Variants in AZGP1 observed in about 807,000 individuals in gnomAD.
AZGP1 encodes the protein alpha-2-glycoprotein 1, zinc-binding.
AZGP1 carries 28 observed loss-of-function variants against 31.5 expected under a neutral mutation model. The ratio of observed to expected loss-of-function variants is 0.89; its 90% confidence interval spans 0.66 to 1.22. The LOEUF (loss-of-function observed/expected upper bound fraction) is 1.22, where lower values mean the gene tolerates loss of function less well. Ranked by LOEUF, AZGP1 falls within the 50% of genes most tolerant of loss-of-function variation. The pLI is 0.00. For synonymous variants in AZGP1, 135 were observed against 145.4 expected (o/e 0.93, Z 0.51); for missense variants, 361 against 371.8 (o/e 0.97, Z 0.24).
Position 99,975,926 on chromosome 7 carries a change from C to T in AZGP1, c.76+19G>A, listed in dbSNP as rs1392646730. On this transcript the variant is annotated intron_variant, in intron 1 of 3. Transcript: ENST00000292401. ...CTTCCAGTCCTCTCCAGCACCCATC[C>T]CTTGCTTTCCCCACTCACCATCTTG... 5.0e-6 allele frequency: 8 copies of T among 1,613,622 alleles called. No individual in the cohort carries two copies. The African/African-American group carries it at 8.0e-5, about 16-fold the overall frequency.
At chr7:99,968,819 G>A (rs189702440) in intron 2 of AZGP1, 300 of 229,168 alleles carry the variant, frequency 1.3e-3, no homozygotes, top group African/African-American at 6.3e-3. Flanking sequence ...AAAAATTAGC[G>A]CAGCATGGTG....
chr7:99,971,297 A>G (rs1054892311), intron 2 of AZGP1, among the ~76,000 whole-genome samples: 18 of 152,200 alleles, frequency 1.2e-4, no homozygotes, highest in Admixed American at 5.2e-4. Flanking sequence ...TGCAGATTTC[A>G]ACCAGATATT....
At chr7:99,973,515 G>A (rs1269649453) in intron 1 of AZGP1, among the ~76,000 whole-genome samples, 1 of 152,158 alleles carries the variant, frequency 6.6e-6, no homozygotes, top group African/African-American at 2.4e-5. Flanking sequence ...CAAAGGCTGG[G>A]AAGGGTAGTG....
chr7:99,975,210 G>C (rs907644459), intron 1 of AZGP1, among the ~76,000 whole-genome samples: 12 of 151,984 alleles, frequency 7.9e-5, no homozygotes, highest in African/African-American at 2.9e-4. Context: ...AGAACCCTGA[G>C]TAATTCAGAT....
At chr7:99,974,578 C>T (rs529540952) in intron 1 of AZGP1, among the ~76,000 whole-genome samples, 9 of 152,106 alleles carry the variant, frequency 5.9e-5, no homozygotes, top group African/African-American at 2.2e-4. Context: ...CAGAGTGAGA[C>T]TCTGTCTCAA....
Position 99,967,453 on chromosome 7 carries a change from C to T in AZGP1, c.614-167G>A, listed in dbSNP as rs984690528. On this transcript the variant is annotated intron_variant, in intron 3 of 3. Transcript: ENST00000292401. ...TCCAGAATATCAGGGAAGGCTGACG[C>T]TTTCCCTCTTGCCCAATCCCCACCT... 1.2e-5 allele frequency: 9 copies of T among 755,222 alleles called. No homozygotes were observed. In the South Asian group the frequency reaches 1.7e-4, roughly 14 times the overall value. 46.8% of individuals were successfully genotyped at this position (755,222 alleles called of 1,614,324 possible).
At chr7:99,975,532 T>C (rs1010972892) in intron 1 of AZGP1, among the ~76,000 whole-genome samples, 2 of 152,140 alleles carry the variant, frequency 1.3e-5, no homozygotes, top group African/African-American at 4.8e-5. Context: ...CCAGCCAACC[T>C]GCCTTCCCAC....
Position 99,967,974 on chromosome 7 carries a change from G to A in AZGP1, c.613+181C>T, listed in dbSNP as rs1789512633. 5 of 910,736 alleles carry A rather than the reference G, an allele frequency of 5.5e-6. No individual in the cohort carries two copies. In the African/African-American group the frequency reaches 6.8e-5, roughly 12 times the overall value. The allele number at this position is 910,736 out of a possible 1,614,324, so 56.4% of individuals were successfully genotyped here. Reference sequence around the variant, plus strand: ...CCATTCTGCCTGAAATTTTGATGATGTTCTTTTTGGACCACAAATTATATT... The same window carrying A: ...CCATTCTGCCTGAAATTTTGATGATATTCTTTTTGGACCACAAATTATATT... On this transcript the variant is annotated intron_variant, in intron 3 of 3. Coordinates refer to ENST00000292401, the MANE Select transcript of AZGP1 (RefSeq NM_001185.4).
chr7:99,971,696 G>A (rs757167605), intron 2 of AZGP1, 50 bp downstream of exon 2: 3 of 1,576,378 alleles, frequency 1.9e-6, no homozygotes, highest in African/African-American at 2.7e-5. Context: ...CACTGGGGGG[G>A]CTGCCTCTTG....
chr7:99,967,960 G>C, intron 3 of AZGP1, 195 bp downstream of exon 3: 2 of 820,552 alleles, frequency 2.4e-6, no homozygotes, highest in South Asian at 3.2e-5. Context: ...CATTCTGCCT[G>C]AAATTTTGAT....
At chr7:99,970,235 TTTTTTTGTTTTTTG>T (rs59340776) in intron 2 of AZGP1, among the ~76,000 whole-genome samples, 1 of 150,872 alleles carries the variant, frequency 6.6e-6, no homozygotes, top group Non-Finnish European at 1.5e-5. Context: ...TATTATTTCC[TTTTTTTGTTTTTTG>T]TTTTTTGTTT....
chr7:99,972,510 C>T (rs922272742), intron 1 of AZGP1, among the ~76,000 whole-genome samples: 17 of 152,094 alleles, frequency 1.1e-4, no homozygotes, highest in Admixed American at 5.2e-4. Context: ...ATCTGACATG[C>T]GTTAGAAATT....
chr7:99,971,741 C>G lies in AZGP1; in HGVS notation c.337+5G>C, dbSNP rs1789580211. ...TTCCACCCCTGTGGTCTGTTATTCA[C>G]TGACCGTTACTGTCGTTGTAATACT... is the stretch of plus-strand genomic sequence containing the variant. On this transcript the variant is annotated splice_donor_5th_base_variant and intron_variant, in intron 2 of 3. Transcript: ENST00000292401. The G allele has an allele frequency of 6.2e-7, 1 of 1,613,034 alleles. No individual in the cohort carries two copies. The highest frequency in any genetic ancestry group is 1.3e-5 in the African/African-American group (1 of 74,898).
chr7:99,969,701 A>G (rs1025844145), intron 2 of AZGP1, among the ~76,000 whole-genome samples: 1 of 152,216 alleles, frequency 6.6e-6, no homozygotes, highest in Non-Finnish European at 1.5e-5. Flanking sequence ...ACTACACCAA[A>G]GTGTACTTCC....
chr7:99,968,917 C>G (rs1020741686), intron 2 of AZGP1, among the ~76,000 whole-genome samples: 8 of 127,778 alleles, frequency 6.3e-5, no homozygotes, highest in Admixed American at 3.7e-4. Flanking sequence ...GAGCCAAAAT[C>G]ACACTACTGC....
At chr7:99,973,428 G>C (rs765332766) in intron 1 of AZGP1, among the ~76,000 whole-genome samples, 10 of 152,124 alleles carry the variant, frequency 6.6e-5, no homozygotes, top group Non-Finnish European at 1.5e-5. Context: ...GCTCCTGAGT[G>C]TCTAAATGTG....
chr7:99,973,160 A>G (rs1053800332), intron 1 of AZGP1, among the ~76,000 whole-genome samples: 1 of 152,106 alleles, frequency 6.6e-6, no homozygotes, highest in Non-Finnish European at 1.5e-5. Context: ...TGACAAATAC[A>G]TATAGTTAGA....
At chr7:99,969,034 G>A (rs1789539053) in intron 2 of AZGP1, among the ~76,000 whole-genome samples, 1 of 139,884 alleles carries the variant, frequency 7.1e-6, no homozygotes, top group African/African-American at 2.7e-5. Flanking sequence ...AGCACTTTGA[G>A]AGGCTGAGGA....
At chr7:99,973,196 A>C (rs1789608790) in intron 1 of AZGP1, among the ~76,000 whole-genome samples, 1 of 152,160 alleles carries the variant, frequency 6.6e-6, no homozygotes, top group Non-Finnish European at 1.5e-5. Context: ...AATTTACCAG[A>C]AAATTCAAGA....
Sources: gnomAD v4.1 joint callset for allele counts (sites outside exome capture counted in the v4.1 genomes callset) on GRCh38, gnomAD v4.1.1 for gene constraint, MANE v1.5 for transcripts, NCBI Gene and HGNC (gene_info 2026-07-23, HGNC 2026-07-21) for gene names.